HMGCLL1: variants seen among roughly 807,000 people sequenced by gnomAD.
HMGCLL1 encodes the protein 3-hydroxy-3-methylglutaryl-CoA lyase like 1.
Under a neutral mutation model 39.1 loss-of-function variants are expected in HMGCLL1, and 36 were observed. That is an observed-to-expected ratio of 0.92 (90% CI 0.71 to 1.22). The LOEUF is 1.22. HMGCLL1 is among the 50% of genes most tolerant of loss of function. HMGCLL1 has a pLI of 0.00. For synonymous variants in HMGCLL1, 149 were observed against 144.0 expected, an observed-to-expected ratio of 1.03 and a Z score of -0.25; for missense variants, 451 against 416.5, an observed-to-expected ratio of 1.08 and a Z score of -0.72.
At chr6:55,630,356 C>T in the HMGCLL1 span, among the ~76,000 whole-genome samples, 1 of 152,060 alleles carries the variant, frequency 6.6e-6, no homozygotes, top group Admixed American at 6.6e-5. Flanking sequence ...TATATTTACC[C>T]AATGCCCATA....
chr6:55,493,721 T>TTG (rs201491424), intron 7 of HMGCLL1, among the ~76,000 whole-genome samples: 4,074 of 117,512 alleles, frequency 0.035, 180 homozygotes, highest in African/African-American at 0.13. Flanking sequence ...TGTTTTTGTT[T>TTG]TTTTTGTTTT....
At chr6:55,458,211 A>T (rs577339164) in intron 7 of HMGCLL1, among the ~76,000 whole-genome samples, 1 of 152,304 alleles carries the variant, frequency 6.6e-6, no homozygotes, top group East Asian at 1.9e-4. Context: ...GCAAGTATTC[A>T]TCATATCATT....
At chr6:55,439,775 C>T (rs1264752579) in intron 7 of HMGCLL1, 1 of 411,802 alleles carries the variant, frequency 2.4e-6, no homozygotes, top group Non-Finnish European at 4.3e-6. Flanking sequence ...TGCTAAGGCT[C>T]TCTGGAGCTA....
the HMGCLL1 span, among the ~76,000 whole-genome samples, chr6:55,586,954 C>T: frequency 6.6e-6 from 1 of 152,024 alleles, no homozygotes; most frequent in East Asian, 1.9e-4. Context: ...AGTTCTAGAT[C>T]CCTGAGGAAT....
chr6:55,584,536 G>T, the HMGCLL1 span, among the ~76,000 whole-genome samples: 1 of 152,022 alleles, frequency 6.6e-6, no homozygotes, highest in African/African-American at 2.4e-5. Context: ...TCTAGACAAA[G>T]GGTCTCAAAA....
chr6:55,659,082 G>C, the HMGCLL1 span, among the ~76,000 whole-genome samples: 1 of 151,846 alleles, frequency 6.6e-6, no homozygotes, highest in Admixed American at 6.6e-5. Context: ...ATGAAGAGAA[G>C]GGGACACATG....
the HMGCLL1 span, among the ~76,000 whole-genome samples, chr6:55,595,082 C>A: frequency 1.3e-5 from 2 of 152,120 alleles, no homozygotes; most frequent in Non-Finnish European, 2.9e-5. Flanking sequence ...AAAATAAGTT[C>A]TCAATTTCCA....
chr6:55,623,370 T>C, the HMGCLL1 span, among the ~76,000 whole-genome samples: 1 of 151,982 alleles, frequency 6.6e-6, no homozygotes, highest in Non-Finnish European at 1.5e-5. Flanking sequence ...TACTTTTTGA[T>C]GTAGGCACTT....
intron 7 of HMGCLL1, among the ~76,000 whole-genome samples, chr6:55,442,783 C>A (rs1426912936): frequency 6.6e-6 from 1 of 152,080 alleles, no homozygotes; most frequent in African/African-American, 2.4e-5. Context: ...GGACAATTTT[C>A]ATTTACTATG....
the HMGCLL1 span, among the ~76,000 whole-genome samples, chr6:55,584,683 T>C: frequency 6.6e-6 from 1 of 152,090 alleles, no homozygotes; most frequent in Non-Finnish European, 1.5e-5. Context: ...TGTGAGTTTC[T>C]TTGGTCCCAG....
At chr6:55,453,400 C>T (rs780542795) in intron 7 of HMGCLL1, among the ~76,000 whole-genome samples, 1 of 152,048 alleles carries the variant, frequency 6.6e-6, no homozygotes, top group Non-Finnish European at 1.5e-5. Context: ...AGGATGGTCT[C>T]GATCTCCTGA....
At chr6:55,450,849 G>C (rs920833471) in intron 7 of HMGCLL1, among the ~76,000 whole-genome samples, 3 of 152,162 alleles carry the variant, frequency 2.0e-5, no homozygotes, top group African/African-American at 7.2e-5. Context: ...ACTGTCCTTT[G>C]AGTTAGGGTG....
intron 5 of HMGCLL1, among the ~76,000 whole-genome samples, chr6:55,500,643 T>A (rs1275570127): frequency 2.0e-5 from 3 of 151,906 alleles, no homozygotes; most frequent in Non-Finnish European, 4.4e-5. Context: ...CAAGTAAAAT[T>A]GGAAAGTTAT....
At chr6:55,606,267 G>T in the HMGCLL1 span, among the ~76,000 whole-genome samples, 1 of 152,116 alleles carries the variant, frequency 6.6e-6, no homozygotes, top group South Asian at 2.1e-4. Context: ...TAATATTTGA[G>T]ATTTCTCAAT....
chr6:55,472,751 A>T (rs1051234599), intron 7 of HMGCLL1, among the ~76,000 whole-genome samples: 1 of 151,554 alleles, frequency 6.6e-6, no homozygotes, highest in African/African-American at 2.4e-5. Flanking sequence ...TGATTCACAA[A>T]TGTCAATTAA....
At chr6:55,519,512 CTCTCTG>C (rs1365702311) in intron 3 of HMGCLL1, among the ~76,000 whole-genome samples, 2 of 152,058 alleles carry the variant, frequency 1.3e-5, no homozygotes, top group South Asian at 2.1e-4. Flanking sequence ...AGTGTGAGTA[CTCTCTG>C]TCTCTGTCTC....
the HMGCLL1 span, among the ~76,000 whole-genome samples, chr6:55,673,393 C>T: frequency 6.6e-6 from 1 of 151,728 alleles, no homozygotes; most frequent in Admixed American, 6.6e-5. Context: ...CTCCCTGTGT[C>T]CAATGATTAC....
chr6:55,471,715 T>C (rs756551191), intron 7 of HMGCLL1, among the ~76,000 whole-genome samples: 6 of 151,574 alleles, frequency 4.0e-5, no homozygotes, highest in African/African-American at 9.7e-5. Context: ...GTTTATAATA[T>C]ACATATAGAG....
intron 3 of HMGCLL1, among the ~76,000 whole-genome samples, chr6:55,522,759 C>T (rs1250487340): frequency 6.6e-6 from 1 of 151,994 alleles, no homozygotes; most frequent in East Asian, 1.9e-4. Context: ...GATTAGTCCA[C>T]TATAAGTTTG....
Sources: allele counts gnomAD v4.1 joint callset (sites outside exome capture counted in the v4.1 genomes callset), GRCh38; gene constraint gnomAD v4.1.1; transcripts MANE v1.5; gene names NCBI Gene and HGNC (gene_info 2026-07-23, HGNC 2026-07-21).